Variants in ZCCHC24 observed in about 807,000 individuals in gnomAD.
The protein encoded by ZCCHC24 is zinc finger CCHC domain-containing protein 24.
Under a neutral mutation model 26.2 loss-of-function variants are expected in ZCCHC24, and 10 were observed. The ratio of observed to expected loss-of-function variants is 0.38; its 90% CI spans 0.24 to 0.65. The LOEUF (loss-of-function observed/expected upper bound fraction) is 0.65, where lower values mean the gene tolerates loss of function less well. Among genes scored for constraint, ZCCHC24 ranks in the 30% least tolerant of loss-of-function variants. The pLI is 0.54. For missense variants in ZCCHC24, 243 were observed against 329.1 expected (o/e 0.74, Z 2.03); for synonymous variants, 144 against 147.1 (o/e 0.98, Z 0.15).
intron 1 of ZCCHC24, among the ~76,000 whole-genome samples, chr10:79,437,760 G>A (rs1857235043): frequency 6.6e-6 from 1 of 152,212 alleles, no homozygotes; most frequent in Non-Finnish European, 1.5e-5. Flanking sequence ...AATACGGGGT[G>A]CAGAGACAGA....
At position 79,397,725 on chromosome 10, in the gene ZCCHC24, G is replaced by C. The variant is rs768801701; in HGVS notation, c.448-3285C>G. Among the ~76,000 whole-genome samples the C allele has an allele frequency of 2.0e-5, 3 of 152,288 alleles. No individual in the cohort carries two copies. In the East Asian group the frequency reaches 5.8e-4, roughly 29 times the overall value. On this transcript the variant is annotated intron_variant, in intron 2 of 3. Transcript: ENST00000372336. Reference sequence around the variant, plus strand: ...GCCCACTCTGGATCTGGTTCTGCAGGCCTCTGAGCTCAGAGAGCTCACAGG... The same window carrying C: ...GCCCACTCTGGATCTGGTTCTGCAGCCCTCTGAGCTCAGAGAGCTCACAGG...
intron 3 of ZCCHC24, 44 bp from the exon 4 acceptor site, chr10:79,386,502 G>C: frequency 2.7e-6 from 4 of 1,468,882 alleles, no homozygotes; most frequent in African/African-American, 1.4e-5. Flanking sequence ...TGAGGGGAGA[G>C]AAAGACAGAA....
chr10:79,437,854 G>A (rs1857236003), intron 1 of ZCCHC24, among the ~76,000 whole-genome samples: 1 of 152,244 alleles, frequency 6.6e-6, no homozygotes, highest in Non-Finnish European at 1.5e-5. Flanking sequence ...CTGCAGGACA[G>A]TAGGTAGGCA....
rs752262337 is a variant in ZCCHC24 at position 79,385,829 on chromosome 10, C to T, written c.*516G>A. The T allele has an allele frequency of 2.2e-5, 5 of 225,648 alleles. No homozygotes were observed. Among genetic ancestry groups the T allele is most frequent in the Non-Finnish European group, 3.5e-5 (4 of 115,430 alleles). The allele number at this position is 225,648 out of a possible 1,614,324, so 14.0% of individuals were successfully genotyped here. ...GGGACAGAGAGGTCCACTCCCCAGC[C>T]GCTGTTGGAACACATGTCCCCTTGC... is the stretch of plus-strand genomic sequence containing the variant. On this transcript the variant is annotated 3_prime_UTR_variant, in exon 4 of 4. Transcript: ENST00000372336. The surrounding 1 kb of genome is among the most constrained non-coding windows in gnomAD (Gnocchi z 4.3).
chr10:79,442,885 G>A (rs1857308556), intron 1 of ZCCHC24, among the ~76,000 whole-genome samples: 3 of 152,160 alleles, frequency 2.0e-5, no homozygotes, highest in Admixed American at 2.0e-4. Flanking sequence ...AGTGGGTGGG[G>A]GGTGAGGATG....
intron 2 of ZCCHC24, among the ~76,000 whole-genome samples, chr10:79,413,833 C>A (rs1480527397): frequency 1.3e-5 from 2 of 151,822 alleles, no homozygotes; most frequent in East Asian, 3.9e-4. Flanking sequence ...ATGTGATAGC[C>A]TCTAATGTCT....
intron 3 of ZCCHC24, among the ~76,000 whole-genome samples, chr10:79,391,462 A>T (rs545410538): frequency 2.6e-5 from 4 of 152,096 alleles, no homozygotes; most frequent in South Asian, 2.1e-4. Context: ...GCCACTGCGG[A>T]GACTGGGTTC....
At chr10:79,402,644 T>A (rs548496625) in intron 2 of ZCCHC24, among the ~76,000 whole-genome samples, 1 of 152,318 alleles carries the variant, frequency 6.6e-6, no homozygotes, top group Admixed American at 6.5e-5. Context: ...TAGCATTCAA[T>A]GAGCACCTAC....
intron 2 of ZCCHC24, among the ~76,000 whole-genome samples, chr10:79,419,959 A>G (rs1589671358): frequency 6.6e-6 from 1 of 152,046 alleles, no homozygotes; most frequent in South Asian, 2.1e-4. Context: ...GCAGCTGAGG[A>G]TGTGAAACTG....
At chr10:79,413,619 G>A (rs904833793) in intron 2 of ZCCHC24, among the ~76,000 whole-genome samples, 8 of 152,234 alleles carry the variant, frequency 5.3e-5, no homozygotes, top group African/African-American at 1.9e-4. Flanking sequence ...CCAGACCTGG[G>A]CCTGACTAGC....
chr10:79,415,438 T>C (rs965372775), intron 2 of ZCCHC24, among the ~76,000 whole-genome samples: 1 of 152,082 alleles, frequency 6.6e-6, no homozygotes, highest in South Asian at 2.1e-4. Context: ...GGGGATGGAG[T>C]CTTCAGTGTC....
At chr10:79,414,435 A>C (rs534146426) in intron 2 of ZCCHC24, among the ~76,000 whole-genome samples, 1 of 152,332 alleles carries the variant, frequency 6.6e-6, no homozygotes, top group South Asian at 2.1e-4. Flanking sequence ...AAAGTCACAA[A>C]ACCAGAACAC....
chr10:79,399,843 A>G (rs1169354618), intron 2 of ZCCHC24, among the ~76,000 whole-genome samples: 2 of 152,214 alleles, frequency 1.3e-5, no homozygotes, highest in Non-Finnish European at 2.9e-5. Context: ...ACTTCTTCAG[A>G]ATGGTTCAGT....
chr10:79,412,396 C>T (rs367975033), intron 2 of ZCCHC24, among the ~76,000 whole-genome samples: 19 of 152,344 alleles, frequency 1.2e-4, no homozygotes, highest in Non-Finnish European at 2.1e-4. Context: ...CGGACATGCC[C>T]GTGTACACCC....
intron 2 of ZCCHC24, among the ~76,000 whole-genome samples, chr10:79,411,832 G>A (rs902586056): frequency 7.2e-5 from 11 of 152,044 alleles, no homozygotes; most frequent in Non-Finnish European, 1.2e-4. Context: ...CTCAGCCCCA[G>A]GACCCTGCCA....
At chr10:79,402,062 C>T (rs1856641026) in intron 2 of ZCCHC24, among the ~76,000 whole-genome samples, 1 of 152,192 alleles carries the variant, frequency 6.6e-6, no homozygotes, top group African/African-American at 2.4e-5. Flanking sequence ...GGGCTGACCA[C>T]GGACTCACGA....
At chr10:79,438,767 G>T (rs1857252297) in intron 1 of ZCCHC24, among the ~76,000 whole-genome samples, 1 of 152,238 alleles carries the variant, frequency 6.6e-6, no homozygotes, top group Non-Finnish European at 1.5e-5. Flanking sequence ...AGGGGGAGCA[G>T]ACAGTGCCAG....
chr10:79,399,780 G>A (rs985629017), intron 2 of ZCCHC24, among the ~76,000 whole-genome samples: 13 of 152,350 alleles, frequency 8.5e-5, no homozygotes, highest in African/African-American at 3.1e-4. Context: ...GGGGCCCCCC[G>A]GGCAAGCCAG....
intron 1 of ZCCHC24, chr10:79,444,155 C>T: frequency 6.5e-7 from 1 of 1,545,348 alleles, no homozygotes; most frequent in Non-Finnish European, 8.7e-7. Flanking sequence ...CTCCCCCGAA[C>T]ACACCTCTTG....
Sources: gnomAD v4.1 joint callset for allele counts (sites outside exome capture counted in the v4.1 genomes callset) on GRCh38, gnomAD v4.1.1 for gene constraint, Gnocchi (gnomAD v3.1) non-coding constraint, MANE v1.5 for transcripts, NCBI Gene and HGNC (gene_info 2026-07-23, HGNC 2026-07-21) for gene names.